The following NBEA variants were observed in gnomAD, a reference collection of about 807,000 sequenced individuals.
The protein encoded by NBEA is neurobeachin, also known as lysosomal-trafficking regulator 2.
In NBEA, 44 loss-of-function variants were observed where a neutral mutation model predicts 343.4. That is an observed-to-expected ratio of 0.13 (90% CI 0.10 to 0.16). NBEA has a LOEUF of 0.16. Among genes scored for constraint, NBEA ranks in the 10% least tolerant of loss-of-function variants. NBEA has a pLI of 1.00. For missense variants in NBEA, 2,555 were observed against 3,631.3 expected (o/e 0.70, Z 7.62); for synonymous variants, 1,175 against 1,238.7 (o/e 0.95, Z 1.08).
chr13:35,387,389 C>CT (rs996062947), intron 38 of NBEA, among the ~76,000 whole-genome samples: 5 of 151,608 alleles, frequency 3.3e-5, no homozygotes, highest in African/African-American at 9.7e-5. Context: ...TTTTTTTTCC[C>CT]TTTTTTTCTT....
intron 10 of NBEA, among the ~76,000 whole-genome samples, chr13:35,074,001 A>G (rs1004937992): frequency 1.3e-5 from 2 of 152,102 alleles, no homozygotes; most frequent in Non-Finnish European, 2.9e-5. Flanking sequence ...TCAAAGATGG[A>G]TTTATTTTTG....
chr13:35,533,543 G>T (rs960189405), intron 41 of NBEA, among the ~76,000 whole-genome samples: 1 of 152,052 alleles, frequency 6.6e-6, no homozygotes, highest in Admixed American at 6.6e-5. Flanking sequence ...CTGAGGATAA[G>T]AATTTTTTTT....
intron 48 of NBEA, among the ~76,000 whole-genome samples, chr13:35,621,929 A>T (rs1222170942): frequency 6.6e-6 from 1 of 152,226 alleles, no homozygotes; most frequent in South Asian, 2.1e-4. Context: ...CTAATTGGCA[A>T]TCATCCCATT....
At position 35,046,313 on chromosome 13, in the gene NBEA, G is replaced by A. The variant is rs1350224281; in HGVS notation, c.723+912G>A. ...GATTAAATACCTGAGTGAGATTGCT[G>A]GATTTTATGGTAACTGCCTGTTTAC... On this transcript the variant is annotated intron_variant, in intron 4 of 58. Coordinates refer to ENST00000379939, the MANE Select transcript of NBEA (RefSeq NM_001385012.1). 7.9e-5 allele frequency among the ~76,000 whole-genome samples: 12 copies of A among 152,212 alleles called. No homozygotes were observed. In the East Asian group the frequency reaches 2.3e-3, roughly 29 times the overall value.
At chr13:35,625,618 C>T (rs2083193641) in intron 48 of NBEA, among the ~76,000 whole-genome samples, 1 of 151,800 alleles carries the variant, frequency 6.6e-6, no homozygotes, top group Admixed American at 6.6e-5. Flanking sequence ...GAGTGAGATC[C>T]TGTCTAAAAA....
At chr13:35,436,631 GC>G (rs1450161227) in intron 39 of NBEA, among the ~76,000 whole-genome samples, 1 of 150,498 alleles carries the variant, frequency 6.6e-6, no homozygotes, top group East Asian at 2.0e-4. Flanking sequence ...AATGGCATGA[GC>G]CCGGGAGACG....
intron 49 of NBEA, among the ~76,000 whole-genome samples, chr13:35,638,131 T>G (rs2083781863): frequency 6.6e-6 from 1 of 152,164 alleles, no homozygotes; most frequent in South Asian, 2.1e-4. Context: ...GAGTTTTTGT[T>G]TAATAAATAT....
At chr13:35,150,699 A>G (rs1290746193) in intron 18 of NBEA, among the ~76,000 whole-genome samples, 1 of 152,120 alleles carries the variant, frequency 6.6e-6, no homozygotes, top group Non-Finnish European at 1.5e-5. Context: ...AATCTCAGCA[A>G]TGCATCAGAA....
chr13:35,646,788 T>C (rs2084256942), intron 51 of NBEA, among the ~76,000 whole-genome samples: 1 of 152,202 alleles, frequency 6.6e-6, no homozygotes, highest in South Asian at 2.1e-4. Context: ...TTGTGGTTAT[T>C]ACAGAGAGGT....
At chr13:35,213,125 A>G (rs1211019190) in intron 33 of NBEA, among the ~76,000 whole-genome samples, 2 of 151,822 alleles carry the variant, frequency 1.3e-5, no homozygotes, top group Non-Finnish European at 2.9e-5. Flanking sequence ...TTTGCTTTTT[A>G]TATTTAGATG....
chr13:35,205,545 TC>T lies in NBEA; in HGVS notation c.5367-3154del, dbSNP rs2073333499. ...TTCCTCATATGACTTGTTTTCCAGATCAACTGTCATCCTAACTGTTCTCTTA... is the reference window on the plus strand; with the variant it reads ...TTCCTCATATGACTTGTTTTCCAGATAACTGTCATCCTAACTGTTCTCTTA... On this transcript the variant is annotated intron_variant, in intron 31 of 58. Transcript: ENST00000379939. Among the ~76,000 whole-genome samples, 4 of 152,274 alleles carry T rather than the reference TC, an allele frequency of 2.6e-5. 1 individual carries two copies. The highest frequency in any genetic ancestry group is 9.6e-5 in the African/African-American group (4 of 41,566).
intron 8 of NBEA, 99 bp from the exon 9 acceptor site, chr13:35,069,809 C>A: frequency 1.3e-6 from 1 of 781,816 alleles, no homozygotes; most frequent in Non-Finnish European, 2.0e-6. Context: ...ATGAAAGGTA[C>A]ACAAGTAGTT....
chr13:35,296,696 A>G (rs2036155549), intron 35 of NBEA, among the ~76,000 whole-genome samples: 2 of 151,954 alleles, frequency 1.3e-5, no homozygotes, highest in African/African-American at 4.8e-5. Context: ...TCTACATTGT[A>G]TAAGTTTTTC....
intron 41 of NBEA, among the ~76,000 whole-genome samples, chr13:35,516,749 G>A (rs2077500116): frequency 6.6e-6 from 1 of 152,074 alleles, no homozygotes; most frequent in Admixed American, 6.6e-5. Context: ...TAGAGTAAGG[G>A]AAAAGAAACT....
chr13:35,628,206 C>T lies in NBEA; in HGVS notation c.7575C>T (p.Gly2525=). The T allele has an allele frequency of 6.2e-7, 1 of 1,612,834 alleles. No individual in the cohort carries two copies. The highest frequency in any genetic ancestry group is 8.5e-7 in the Non-Finnish European group (1 of 1,179,318). The change falls in exon 49 of 59, where the codon GGC becomes GGT. Residue 2525 remains glycine (G), a synonymous_variant. Transcript: ENST00000379939. ...LNVFHYLTYE[G]SVNLDSITDP... ...TTTTTCACTACTTGACTTATGAAGGCTCTGTGAACCTGGATAGTATCACTG... is the reference window on the plus strand; with the variant it reads ...TTTTTCACTACTTGACTTATGAAGGTTCTGTGAACCTGGATAGTATCACTG...
intron 11 of NBEA, among the ~76,000 whole-genome samples, chr13:35,100,591 A>G (rs1203066973): frequency 6.6e-6 from 1 of 152,016 alleles, no homozygotes; most frequent in Non-Finnish European, 1.5e-5. Flanking sequence ...TTGTTTGATG[A>G]GAATGTATCA....
At chr13:35,624,055 GGTGTGTGT>G (rs10561419) in intron 48 of NBEA, among the ~76,000 whole-genome samples, 13 of 147,408 alleles carry the variant, frequency 8.8e-5, no homozygotes, top group South Asian at 2.1e-4. Context: ...TGTGTGTGTG[GGTGTGTGT>G]GTGTGTGTGT....
intron 35 of NBEA, among the ~76,000 whole-genome samples, chr13:35,303,023 A>G (rs1205888162): frequency 1.3e-5 from 2 of 152,144 alleles, no homozygotes; most frequent in African/African-American, 4.8e-5. Context: ...ATCAAATAAA[A>G]GTATTTGATG....
chr13:35,430,757 AG>A (rs887110341), intron 38 of NBEA, among the ~76,000 whole-genome samples: 16 of 151,756 alleles, frequency 1.1e-4, no homozygotes, highest in African/African-American at 3.9e-4. Context: ...AAATCAATAT[AG>A]CATGATTTTA....
Sources: gnomAD v4.1 joint callset for allele counts (sites outside exome capture counted in the v4.1 genomes callset) on GRCh38, gnomAD v4.1.1 for gene constraint, MANE v1.5 for transcripts, NCBI Gene and HGNC (gene_info 2026-07-23, HGNC 2026-07-21) for gene names.